Variants in DLG2 observed in about 807,000 individuals in gnomAD.
DLG2 encodes the protein discs large MAGUK scaffold protein 2.
DLG2 carries 45 observed loss-of-function variants against 132.5 expected under a neutral mutation model. The observed-to-expected ratio is 0.34, with a 90% CI of 0.27 to 0.44. The LOEUF (loss-of-function observed/expected upper bound fraction) is 0.44. Ranked by LOEUF, DLG2 falls within the 20% of genes least tolerant of loss-of-function variation. The pLI is 1.00. For synonymous variants in DLG2, 424 were observed against 419.6 expected (o/e 1.01, Z -0.13); for missense variants, 1,045 against 1,196.9 (o/e 0.87, Z 1.87).
intron 6 of DLG2, among the ~76,000 whole-genome samples, chr11:84,676,668 T>C (rs1384311827): frequency 3.3e-5 from 5 of 152,104 alleles, no homozygotes; most frequent in African/African-American, 9.7e-5. Flanking sequence ...TACCTGATTC[T>C]GTACTACCTG....
intron 3 of DLG2, among the ~76,000 whole-genome samples, chr11:85,408,136 ATATT>A (rs1171475290): frequency 2.0e-5 from 3 of 150,142 alleles, no homozygotes; most frequent in Non-Finnish European, 4.4e-5. Context: ...TCTGTAACAA[ATATT>A]TATTATTTAT....
At chr11:85,042,457 GAAAACTAAGATTT>G (rs147733792) in intron 6 of DLG2, among the ~76,000 whole-genome samples, 1,731 of 152,078 alleles carry the variant, frequency 0.011, 31 homozygotes, top group African/African-American at 0.038. Flanking sequence ...CCATTTTAGT[GAAAACTAAGATTT>G]AAAATGGGTT....
chr11:84,507,899 TTAAAA>T (rs1245863340), intron 7 of DLG2, among the ~76,000 whole-genome samples: 1 of 152,212 alleles, frequency 6.6e-6, no homozygotes, highest in East Asian at 1.9e-4. Context: ...GTTGCATCCT[TTAAAA>T]TAATCTCAGA....
At chr11:84,060,629 T>G (rs1172983809) in intron 10 of DLG2, among the ~76,000 whole-genome samples, 1 of 151,882 alleles carries the variant, frequency 6.6e-6, no homozygotes, top group Non-Finnish European at 1.5e-5. Flanking sequence ...GGCCATCGAC[T>G]CCAAATATAT....
chr11:85,191,228 G>C (rs957630575), intron 4 of DLG2, among the ~76,000 whole-genome samples: 1 of 140,942 alleles, frequency 7.1e-6, no homozygotes, highest in African/African-American at 2.7e-5. Flanking sequence ...TCCCAATGAA[G>C]AACAACAACA....
chr11:84,795,572 G>C (rs1248125865), intron 6 of DLG2, among the ~76,000 whole-genome samples: 1 of 152,092 alleles, frequency 6.6e-6, no homozygotes, highest in Non-Finnish European at 1.5e-5. Context: ...GCTTGTCTGT[G>C]TACCTAGACA....
chr11:84,454,384 C>T (rs1229386154), intron 7 of DLG2, among the ~76,000 whole-genome samples: 1 of 151,404 alleles, frequency 6.6e-6, no homozygotes, highest in East Asian at 1.9e-4. Flanking sequence ...TAGAATAGAA[C>T]AATCGCTTTG....
intron 7 of DLG2, among the ~76,000 whole-genome samples, chr11:84,394,098 A>T (rs920107127): frequency 1.3e-5 from 2 of 152,120 alleles, no homozygotes; most frequent in African/African-American, 4.8e-5. Context: ...GCTGGTCTCG[A>T]ACTCCTGATC....
At chr11:85,309,029 G>C (rs2080145693) in intron 3 of DLG2, among the ~76,000 whole-genome samples, 2 of 152,028 alleles carry the variant, frequency 1.3e-5, no homozygotes, top group Non-Finnish European at 2.9e-5. Context: ...TTGGCCTATA[G>C]AATAGGGAGA....
At chr11:85,042,254 A>G (rs963895763) in intron 6 of DLG2, among the ~76,000 whole-genome samples, 1 of 151,966 alleles carries the variant, frequency 6.6e-6, no homozygotes, top group Admixed American at 6.6e-5. Flanking sequence ...TATTCATAGC[A>G]CTGAAAACTA....
intron 18 of DLG2, among the ~76,000 whole-genome samples, chr11:83,709,239 G>GTGTA (rs967651961): frequency 6.6e-6 from 1 of 150,458 alleles, no homozygotes; most frequent in Non-Finnish European, 1.5e-5. Flanking sequence ...CACTGTGTGT[G>GTGTA]TGTGTGTGTG....
At chr11:85,164,913 G>A (rs2078322143) in intron 4 of DLG2, among the ~76,000 whole-genome samples, 1 of 152,066 alleles carries the variant, frequency 6.6e-6, no homozygotes, top group Non-Finnish European at 1.5e-5. Context: ...TTCAAATTGT[G>A]GTTCCCAGAC....
intron 7 of DLG2, among the ~76,000 whole-genome samples, chr11:84,457,204 T>C (rs1428425554): frequency 6.6e-6 from 1 of 151,200 alleles, no homozygotes; most frequent in Non-Finnish European, 1.5e-5. Context: ...ATCAAATAGT[T>C]ATCATTTATT....
chr11:85,033,325 T>C (rs756871148), intron 6 of DLG2, among the ~76,000 whole-genome samples: 6 of 150,400 alleles, frequency 4.0e-5, no homozygotes, highest in Non-Finnish European at 8.8e-5. Context: ...GTCAGGGACT[T>C]GTGCCCCAGA....
At chr11:85,452,703 G>A (rs945236482) in intron 3 of DLG2, 1 of 157,140 alleles carries the variant, frequency 6.4e-6, no homozygotes, top group Non-Finnish European at 1.4e-5. Context: ...GGTGGATAAT[G>A]TTCAGCATAT....
At chr11:85,210,688 G>T (rs10751122) in intron 4 of DLG2, among the ~76,000 whole-genome samples, 150,917 of 152,244 alleles carry the variant, frequency 0.99, 74,803 homozygotes, top group East Asian at 1. Context: ...CCCCAAGATG[G>T]TCCCAGCCAG....
At chr11:84,035,052 C>A (rs1055883903) in intron 11 of DLG2, among the ~76,000 whole-genome samples, 1 of 152,060 alleles carries the variant, frequency 6.6e-6, no homozygotes, top group African/African-American at 2.4e-5. Context: ...TGCTTGAACC[C>A]TTCTGGTAAC....
intron 4 of DLG2, among the ~76,000 whole-genome samples, chr11:85,182,630 G>A (rs2079796320): frequency 6.6e-6 from 1 of 151,442 alleles, no homozygotes; most frequent in African/African-American, 2.4e-5. Context: ...GTAGACTTAT[G>A]GGCACGCCTG....
chr11:84,641,176 C>A (rs1479541943), intron 6 of DLG2, among the ~76,000 whole-genome samples: 2 of 152,106 alleles, frequency 1.3e-5, no homozygotes, highest in Non-Finnish European at 2.9e-5. Context: ...GAATTTTAAT[C>A]CCAGCTTCTG....
Sources: gnomAD v4.1 joint callset for allele counts (sites outside exome capture counted in the v4.1 genomes callset) on GRCh38, gnomAD v4.1.1 for gene constraint, MANE v1.5 for transcripts, NCBI Gene and HGNC (gene_info 2026-07-23, HGNC 2026-07-21) for gene names.